Variants in ATP8A2 observed in about 807,000 individuals in gnomAD.
The protein encoded by ATP8A2 is ATPase phospholipid transporting 8A2.
ATP8A2 carries 100 observed loss-of-function variants against 165.6 expected under a neutral mutation model. The ratio of observed to expected loss-of-function variants is 0.60; its 90% CI spans 0.51 to 0.71. The LOEUF (loss-of-function observed/expected upper bound fraction) is 0.71, where lower values mean the gene tolerates loss of function less well. Among genes scored for constraint, ATP8A2 ranks in the 30% least tolerant of loss-of-function variants. The pLI is 0.00. For missense variants in ATP8A2, 1,227 were observed against 1,479.5 expected, an observed-to-expected ratio of 0.83 and a Z score of 2.80; for synonymous variants, 543 against 548.8, an observed-to-expected ratio of 0.99 and a Z score of 0.15.
At chr13:25,599,365 G>T (rs577657580) in intron 24 of ATP8A2, among the ~76,000 whole-genome samples, 11 of 152,190 alleles carry the variant, frequency 7.2e-5, no homozygotes, top group Non-Finnish European at 1.0e-4. Flanking sequence ...TGGTTAGAAA[G>T]CTTCAGCTGT....
intron 28 of ATP8A2, among the ~76,000 whole-genome samples, chr13:25,828,475 G>T (rs1951375706): frequency 6.6e-6 from 1 of 152,186 alleles, no homozygotes; most frequent in Non-Finnish European, 1.5e-5. Context: ...CTACATGCCT[G>T]TGCAACACTT....
chr13:25,799,202 A>C (rs1422305973), intron 27 of ATP8A2, among the ~76,000 whole-genome samples: 2 of 152,184 alleles, frequency 1.3e-5, no homozygotes, highest in Non-Finnish European at 2.9e-5. Context: ...TAATTATTGG[A>C]GAAGGAACTA....
At chr13:25,704,937 T>C (rs1566063956) in intron 25 of ATP8A2, among the ~76,000 whole-genome samples, 1 of 152,178 alleles carries the variant, frequency 6.6e-6, no homozygotes, top group Non-Finnish European at 1.5e-5. Flanking sequence ...GTCACACGTT[T>C]ATTACTGATA....
At position 25,487,225 on chromosome 13, in the gene ATP8A2, G is replaced by A. The variant is rs151319062; in HGVS notation, c.221+18104G>A. ...TCCAGTTCTCGTTCGTGGCATTTTT[G>A]TATTCCACAGGCTGTCATGTACCTC... On this transcript the variant is annotated intron_variant, in intron 2 of 36. Transcript: ENST00000381655. Among the ~76,000 whole-genome samples the A allele has an allele frequency of 4.0e-4, 61 of 152,268 alleles. 1 individual carries two copies. The highest frequency in any genetic ancestry group is 1.4e-3 in the African/African-American group (59 of 41,548).
chr13:25,443,003 T>C (rs2034974057), intron 1 of ATP8A2, among the ~76,000 whole-genome samples: 2 of 152,238 alleles, frequency 1.3e-5, no homozygotes, highest in South Asian at 4.1e-4. Flanking sequence ...GTTGCCTTTT[T>C]CCTCTGTTTA....
intron 2 of ATP8A2, among the ~76,000 whole-genome samples, chr13:25,476,776 A>G (rs1461570028): frequency 6.6e-6 from 1 of 152,232 alleles, no homozygotes; most frequent in Non-Finnish European, 1.5e-5. Flanking sequence ...TTTGTTTAGA[A>G]GTGGATATAC....
At chr13:25,499,702 A>C (rs552341369) in intron 2 of ATP8A2, among the ~76,000 whole-genome samples, 4 of 152,324 alleles carry the variant, frequency 2.6e-5, no homozygotes, top group Admixed American at 1.3e-4. Flanking sequence ...TCTCCTCTCC[A>C]GTGTACTATT....
chr13:25,632,523 AG>A (rs940578562), intron 24 of ATP8A2, among the ~76,000 whole-genome samples: 1 of 152,348 alleles, frequency 6.6e-6, no homozygotes, highest in African/African-American at 2.4e-5. Context: ...GCCAGGTAAC[AG>A]GGATGAAGAG....
intron 25 of ATP8A2, among the ~76,000 whole-genome samples, chr13:25,761,246 G>T (rs964504889): frequency 6.6e-6 from 1 of 152,208 alleles, no homozygotes; most frequent in African/African-American, 2.4e-5. Flanking sequence ...ATCCTGGAGC[G>T]TGTTGACCTG....
intron 35 of ATP8A2, among the ~76,000 whole-genome samples, chr13:25,998,941 C>G (rs958985282): frequency 1.3e-5 from 2 of 152,112 alleles, no homozygotes; most frequent in Non-Finnish European, 2.9e-5. Context: ...GGACAATGTC[C>G]ATATTCTGGC....
intron 25 of ATP8A2, among the ~76,000 whole-genome samples, chr13:25,731,551 G>T (rs1223347266): frequency 6.6e-6 from 1 of 152,168 alleles, no homozygotes; most frequent in Non-Finnish European, 1.5e-5. Flanking sequence ...GGTAAATGTT[G>T]TCCAGCCTTA....
chr13:25,900,956 G>T (rs1393809839), intron 33 of ATP8A2, among the ~76,000 whole-genome samples: 1 of 152,328 alleles, frequency 6.6e-6, no homozygotes, highest in Admixed American at 6.5e-5. Flanking sequence ...ATGGAGTTTG[G>T]ATCAAGATGG....
chr13:25,486,232 T>A (rs1470565904), intron 2 of ATP8A2, among the ~76,000 whole-genome samples: 1 of 152,198 alleles, frequency 6.6e-6, no homozygotes, highest in Non-Finnish European at 1.5e-5. Flanking sequence ...TGCACTTAAG[T>A]AGACAAGAAG....
At chr13:25,425,741 A>G (rs1199822519) in intron 1 of ATP8A2, among the ~76,000 whole-genome samples, 1 of 151,850 alleles carries the variant, frequency 6.6e-6, no homozygotes, top group Non-Finnish European at 1.5e-5. Flanking sequence ...CGCCCGGCTA[A>G]TTTTTTGTAT....
intron 33 of ATP8A2, among the ~76,000 whole-genome samples, chr13:25,896,041 T>G (rs1323466430): frequency 3.3e-5 from 5 of 152,254 alleles, no homozygotes; most frequent in African/African-American, 4.8e-5. Context: ...CCTTCAGTTC[T>G]GCTCTGATCT....
intron 33 of ATP8A2, among the ~76,000 whole-genome samples, chr13:25,872,935 G>A (rs1267355905): frequency 6.6e-6 from 1 of 151,686 alleles, no homozygotes; most frequent in East Asian, 1.9e-4. Flanking sequence ...GAAGTCCAGT[G>A]TGTGTGTTGT....
intron 33 of ATP8A2, among the ~76,000 whole-genome samples, chr13:25,869,735 T>G (rs1952624646): frequency 6.6e-6 from 1 of 152,184 alleles, no homozygotes. Context: ...GCTCGCTTCT[T>G]CAGCGCCCCG....
intron 1 of ATP8A2, among the ~76,000 whole-genome samples, chr13:25,401,710 C>T (rs980398359): frequency 4.6e-5 from 7 of 151,994 alleles, no homozygotes; most frequent in South Asian, 2.1e-4. Flanking sequence ...CGGATGGTAC[C>T]GAAATCTATA....
At chr13:25,961,732 G>A in intron 34 of ATP8A2, 69 bp downstream of exon 34, 2 of 1,172,848 alleles carry the variant, frequency 1.7e-6, no homozygotes, top group Admixed American at 3.4e-5. Flanking sequence ...TTTCTCATGA[G>A]TCCTGCTACA....
Sources: allele counts gnomAD v4.1 joint callset (sites outside exome capture counted in the v4.1 genomes callset), GRCh38; gene constraint gnomAD v4.1.1; transcripts MANE v1.5; gene names NCBI Gene and HGNC (gene_info 2026-07-23, HGNC 2026-07-21).